Variants in FOXA2 observed in about 807,000 individuals in gnomAD.
FOXA2 encodes the protein forkhead box A2.
In FOXA2, 9 loss-of-function variants were observed where a neutral mutation model predicts 33.3. That is an observed-to-expected ratio of 0.27 (90% CI 0.16 to 0.47). The LOEUF is 0.47. Among genes scored for constraint, FOXA2 ranks in the 20% least tolerant of loss-of-function variants. FOXA2 has a pLI of 0.99. For synonymous variants in FOXA2, 329 were observed against 289.4 expected (o/e 1.14, Z -1.39); for missense variants, 704 against 659.9 (o/e 1.07, Z -0.73).
Position 22,583,033 on chromosome 20 carries a change from T to C in FOXA2, c.209A>G (p.Asn70Ser). The change falls in exon 2 of 2, where the codon AAC becomes AGC. Residue 70 changes from asparagine (N) to serine (S), a missense_variant. By Grantham distance (46) the Asn-to-Ser change is conservative. Coordinates refer to ENST00000419308, the MANE Select transcript of FOXA2 (RefSeq NM_021784.5). ...GSGNMSAGSM[N>S]MSSYVGAGMS... Reference sequence around the variant, plus strand: ...GCCAGCGCCCACGTACGACGACATGTTCATGGAGCCCGCGCTCATGTTGCC... The same window carrying C: ...GCCAGCGCCCACGTACGACGACATGCTCATGGAGCCCGCGCTCATGTTGCC... 1 of 1,610,206 alleles carries C rather than the reference T, an allele frequency of 6.2e-7. No individual in the cohort carries two copies.
In FOXA2 at chr20:22,583,023, C is replaced by A. The variant is rs149977159; in HGVS notation, c.219G>T (p.Ser73=). 2 of 1,609,538 alleles carry A rather than the reference C, an allele frequency of 1.2e-6. No individual in the cohort carries two copies. The highest frequency in any genetic ancestry group is 2.7e-5 in the African/African-American group (2 of 74,908). Residue 73 remains serine, a synonymous_variant, in exon 2 of 2, where the codon TCG becomes TCT. Transcript: ENST00000419308. ...NMSAGSMNMS[S]YVGAGMSPSL... ...ACGGGCTCATGCCAGCGCCCACGTA[C>A]GACGACATGTTCATGGAGCCCGCGC...
rs1180004682 is a variant in FOXA2, at chr20:22,581,355, C to T, written c.*495G>A. The T allele has an allele frequency of 6.6e-6, 1 of 152,232 alleles. No homozygotes were observed. The highest frequency in any genetic ancestry group is 2.4e-5 in the African/African-American group (1 of 41,148). 9.4% of individuals were successfully genotyped at this position (152,232 alleles called of 1,614,324 possible). ...ATGCTTTTTTTTTCTTTTTCTTGGT[C>T]ATTTACAACAGACCCTTACATTATT... On this transcript the variant is annotated 3_prime_UTR_variant, in exon 2 of 2. Coordinates refer to ENST00000419308, the MANE Select transcript of FOXA2 (RefSeq NM_021784.5).
rs868223748 is a variant in FOXA2, at chr20:22,584,296, C to T, written c.-18G>A. ...GAGTGCATGGCAGTTTAAAATTTAA[C>T]AGCCACAACAAACGACCAGCAATCA... On this transcript the variant is annotated 5_prime_UTR_variant, in exon 1 of 2. Coordinates refer to ENST00000419308, the MANE Select transcript of FOXA2 (RefSeq NM_021784.5). 1.9e-6 allele frequency: 3 copies of T among 1,609,394 alleles called. No individual in the cohort carries two copies. Among genetic ancestry groups the T allele is most frequent in the Middle Eastern group, 3.3e-4 (2 of 6,048 alleles).
At position 22,582,153 on chromosome 20, in the gene FOXA2, G is replaced by T. The variant is rs1568715872; in HGVS notation, c.1089C>A (p.Gly363=). 1.3e-6 allele frequency: 2 copies of T among 1,567,944 alleles called. No homozygotes were observed. The highest frequency in any genetic ancestry group is 1.7e-6 in the Non-Finnish European group (2 of 1,155,874). ...AHLLGPPHHP[G]LPPEAHLKPE... is the part of the protein sequence containing the mutation. ...GCTTCAGGTGGGCCTCAGGCGGCAG[G>T]CCCGGGTGGTGGGGCGGGCCCAGCA... The change falls in exon 2 of 2, where the codon GGC becomes GGA. Residue 363 remains glycine, a synonymous_variant. Transcript: ENST00000419308.
Position 22,582,125 on chromosome 20 carries a change from C to A in FOXA2, c.1117G>T (p.Glu373Ter). 6.3e-7 allele frequency: 1 copy of A among 1,594,558 alleles called. No individual in the cohort carries two copies. The highest frequency in any genetic ancestry group is 8.5e-7 in the Non-Finnish European group (1 of 1,169,998). Reference sequence around the variant, plus strand: ...GGGTGGTTGAAGGCGTAGTGGTGTTCCGGCTTCAGGTGGGCCTCAGGCGGC... The same window carrying A: ...GGGTGGTTGAAGGCGTAGTGGTGTTACGGCTTCAGGTGGGCCTCAGGCGGC... Reference protein sequence around the residue: ...GLPPEAHLKPEHHYAFNHPFS... With the variant: ...GLPPEAHLKP The change falls in exon 2 of 2, where the codon GAA becomes TAA. Residue 373 changes from glutamate to a stop codon, truncating the protein, a stop_gained. Transcript: ENST00000419308. LOFTEE classifies it high-confidence loss of function.
At position 22,581,523 on chromosome 20, in the gene FOXA2, C is replaced by A. The variant is rs372655549; in HGVS notation, c.*327G>T. The A allele has an allele frequency of 1.8e-4, 39 of 212,256 alleles. No homozygotes were observed. Among genetic ancestry groups the A allele is most frequent in the Middle Eastern group, 1.6e-3 (1 of 642 alleles). 13.1% of individuals were successfully genotyped at this position (212,256 alleles called of 1,614,324 possible). On this transcript the variant is annotated 3_prime_UTR_variant, in exon 2 of 2. Transcript: ENST00000419308. ...CAGCAATGGAGGAGAACAACAACAACAAAAAAATCAGAATCTGCAGGTGCT... is the reference window on the plus strand; with the variant it reads ...CAGCAATGGAGGAGAACAACAACAAAAAAAAAATCAGAATCTGCAGGTGCT...
Position 22,583,114 on chromosome 20 carries a change from A to T in FOXA2, c.128T>A (p.Met43Lys). 2 of 1,606,842 alleles carry T rather than the reference A, an allele frequency of 1.2e-6. No homozygotes were observed. The highest frequency in any genetic ancestry group is 1.7e-6 in the Non-Finnish European group (2 of 1,179,856). ...SVSNMNAGLG[M>K]NGMNTYMSMS... ...GCTCATGTACGTGTTCATGCCGTTC[A>T]TCCCCAGGCCGGCGTTCATGTTGCT... Residue 43 changes from methionine (M) to lysine (K), a missense_variant, in exon 2 of 2, where the codon ATG (methionine) becomes AAG (lysine). Met to Lys is a moderately conservative substitution (Grantham distance 95, BLOSUM62 -1). This residue lies in a region of FOXA2 where 304 missense variants were observed against 251.7 expected (regional missense o/e 1.21). Transcript: ENST00000419308.
At chr20:22,584,811 G>A (rs1480844608), upstream of FOXA2, among the ~76,000 whole-genome samples, 1 of 152,064 alleles carries the variant, frequency 6.6e-6, no homozygotes, top group African/African-American at 2.4e-5. Context: ...CAGACCCGGG[G>A]CAGCCCATTT....
chr20:22,584,921 C>A (rs1984726005), upstream of FOXA2, among the ~76,000 whole-genome samples: 1 of 152,138 alleles, frequency 6.6e-6, no homozygotes, highest in Non-Finnish European at 1.5e-5. Flanking sequence ...GCGCCCCGCA[C>A]TCCTGGGCGG....
rs371309076 is a variant in FOXA2 at position 22,582,414 on chromosome 20, G to A, written c.828C>T (p.Ala276=). ...CGGCGGCCGCCTTCTTGCCGCTGCC[G>A]GCGGCGCCTGCGGCCTCCTTCAGCG... is the stretch of plus-strand genomic sequence containing the variant. ...QLALKEAAGA[A]GSGKKAAAGA... The change falls in exon 2 of 2, where the codon GCC becomes GCT. Residue 276 remains alanine, a synonymous_variant. Coordinates refer to ENST00000419308, the MANE Select transcript of FOXA2 (RefSeq NM_021784.5). The A allele has an allele frequency of 3.7e-5, 58 of 1,572,922 alleles. No homozygotes were observed. The highest frequency in any genetic ancestry group is 4.6e-5 in the Non-Finnish European group (53 of 1,163,698).
At chr20:22,584,160 T>C (rs763538618) in intron 1 of FOXA2, 32 bp downstream of exon 1, 1 of 1,602,606 alleles carries the variant, frequency 6.2e-7, no homozygotes, top group South Asian at 1.1e-5. Context: ...GCGCCGCCGC[T>C]CCACTTCCCC....
At position 22,582,148 on chromosome 20, in the gene FOXA2, G is replaced by A. The variant is rs758986166; in HGVS notation, c.1094C>T (p.Pro365Leu). The A allele has an allele frequency of 6.4e-7, 1 of 1,570,096 alleles. No homozygotes were observed. The highest frequency in any genetic ancestry group is 1.9e-5 in the Admixed American group (1 of 52,446). Residue 365 changes from proline to leucine, a missense_variant, in exon 2 of 2, where the codon CCG becomes CTG. By Grantham distance (98) the Pro-to-Leu change is moderately conservative (BLOSUM62 -3). Transcript: ENST00000419308. ...TTCCGGCTTCAGGTGGGCCTCAGGC[G>A]GCAGGCCCGGGTGGTGGGGCGGGCC... Reference protein sequence around the residue: ...LLGPPHHPGLPPEAHLKPEHH... With the variant: ...LLGPPHHPGLLPEAHLKPEHH...
At chr20:22,583,358 G>A (rs1984657304) in intron 1 of FOXA2, among the ~76,000 whole-genome samples, 1 of 152,222 alleles carries the variant, frequency 6.6e-6, no homozygotes, top group Admixed American at 6.5e-5. Flanking sequence ...GTGGCGAGCG[G>A]ATTGCTGCTT....
Position 22,581,940 on chromosome 20 carries a change from C to A in FOXA2, c.1302G>T (p.Thr434=). ...GCGAGGCGTCCAGGCCCGTTTTGTT[C>A]GTGACCGGGCCCATGGCCAAGCTGC... ...MPGSLAMGPV[T]NKTGLDASPL... The change falls in exon 2 of 2, where the codon ACG becomes ACT. Residue 434 remains threonine, a synonymous_variant. Transcript: ENST00000419308. The A allele has an allele frequency of 6.2e-7, 1 of 1,611,350 alleles. No homozygotes were observed. The highest frequency in any genetic ancestry group is 1.3e-5 in the African/African-American group (1 of 74,962).
rs1256199177 is a variant in FOXA2, at chr20:22,582,754, T to G, written c.488A>C (p.His163Pro). 2 of 1,613,982 alleles carry G rather than the reference T, an allele frequency of 1.2e-6. No homozygotes were observed. The highest frequency in any genetic ancestry group is 1.7e-6 in the Non-Finnish European group (2 of 1,180,006). Reference sequence around the variant, plus strand: ...GATGTACGAGTAGGGCGGCTTTGCGTGCGTGTAGCTGCGCCTGTAGGTCTT... The same window carrying G: ...GATGTACGAGTAGGGCGGCTTTGCGGGCGTGTAGCTGCGCCTGTAGGTCTT... ...DPKTYRRSYTHAKPPYSYISL... is the reference protein window; with the variant it reads ...DPKTYRRSYTPAKPPYSYISL... Residue 163 changes from histidine (H) to proline (P), a missense_variant, in exon 2 of 2, where the codon CAC (histidine) becomes CCC (proline). His to Pro is a moderately conservative substitution (Grantham distance 77). This residue lies in a region of FOXA2 where 304 missense variants were observed against 251.7 expected (regional missense o/e 1.21). Transcript: ENST00000419308.
Position 22,584,490 on chromosome 20 carries a change from A to T in FOXA2, c.-212T>A. 5.2e-6 allele frequency: 3 copies of T among 573,384 alleles called. No homozygotes were observed. The highest frequency in any genetic ancestry group is 4.0e-5 in the South Asian group (2 of 50,232). The allele number at this position is 573,384 out of a possible 1,614,324, so 35.5% of individuals were successfully genotyped here. ...GGTGGGGGGGGGCGAGGAGCGGAGG[A>T]GGCCCAGGCCAGCGCCCCGCGGTAG... On this transcript the variant is annotated 5_prime_UTR_variant, in exon 1 of 2. Transcript: ENST00000419308.
In FOXA2 at chr20:22,584,467, T is replaced by TGG. The variant is rs1427744474; in HGVS notation, c.-191_-190dup. 5 of 323,092 alleles carry TGG rather than the reference T, an allele frequency of 1.5e-5. No individual in the cohort carries two copies. The highest frequency in any genetic ancestry group is 7.3e-5 in the South Asian group (3 of 41,260). 20.0% of individuals were successfully genotyped at this position (323,092 alleles called of 1,614,324 possible). On this transcript the variant is annotated 5_prime_UTR_variant, in exon 1 of 2. Coordinates refer to ENST00000419308, the MANE Select transcript of FOXA2 (RefSeq NM_021784.5). ...GCGGTAGTTGGAAGTGGGCGGGAGG[T>TGG]GGGGGGGGGCGAGGAGCGGAGGAGG...
chr20:22,584,385 C>G lies in FOXA2; in HGVS notation c.-107G>C. Reference sequence around the variant, plus strand: ...AAGCACCGTCCCCTCCTCCCTCCCTCTCTCGCGCTCCCTCTCCCTGGGCTC... The same window carrying G: ...AAGCACCGTCCCCTCCTCCCTCCCTGTCTCGCGCTCCCTCTCCCTGGGCTC... On this transcript the variant is annotated 5_prime_UTR_variant, in exon 1 of 2. Transcript: ENST00000419308. 2.3e-6 allele frequency: 2 copies of G among 883,882 alleles called. No individual in the cohort carries two copies. The highest frequency in any genetic ancestry group is 3.7e-6 in the Non-Finnish European group (2 of 546,824). 54.8% of individuals were successfully genotyped at this position (883,882 alleles called of 1,614,324 possible). A position where few individuals can be genotyped will look rare whatever the true frequency, so the allele number is the denominator to read the frequency against.
At chr20:22,584,692 G>T (rs1410107028), upstream of FOXA2, among the ~76,000 whole-genome samples, 6 of 149,198 alleles carry the variant, frequency 4.0e-5, no homozygotes, top group African/African-American at 1.5e-4. Context: ...GGAGGAGGAG[G>T]AGGAGGAGGA....
Sources: allele counts gnomAD v4.1 joint callset (sites outside exome capture counted in the v4.1 genomes callset), GRCh38; gene constraint gnomAD v4.1.1; regional missense constraint gnomAD v4.1.1; transcripts MANE v1.5; gene names NCBI Gene and HGNC (gene_info 2026-07-23, HGNC 2026-07-21).